Variants in NHSL1 observed in about 807,000 individuals in gnomAD.
The protein encoded by NHSL1 is NHS like 1.
NHSL1 carries 48 observed loss-of-function variants against 95.0 expected under a neutral mutation model. That is an observed-to-expected ratio of 0.51 (90% confidence interval 0.40 to 0.64). The LOEUF (loss-of-function observed/expected upper bound fraction) is 0.64. Among genes scored for constraint, NHSL1 ranks in the 30% least tolerant of loss-of-function variants. The pLI is 0.00. For synonymous variants in NHSL1, 783 were observed against 833.9 expected (o/e 0.94, Z 1.05); for missense variants, 1,971 against 2,077.7 (o/e 0.95, Z 1.00).
intron 1 of NHSL1, among the ~76,000 whole-genome samples, chr6:138,530,236 T>G (rs1782077585): frequency 6.6e-6 from 1 of 152,094 alleles, no homozygotes; most frequent in African/African-American, 2.4e-5. Context: ...GAAATGCAAA[T>G]TAAAACTGCA....
intron 1 of NHSL1, among the ~76,000 whole-genome samples, chr6:138,539,162 T>C (rs577413823): frequency 2.6e-4 from 39 of 152,188 alleles, no homozygotes; most frequent in Non-Finnish European, 2.4e-4. Flanking sequence ...CAAATTAGGA[T>C]CTCTTAATTT....
chr6:138,533,457 G>T (rs973408246), intron 1 of NHSL1, among the ~76,000 whole-genome samples: 4 of 151,970 alleles, frequency 2.6e-5, no homozygotes, highest in Non-Finnish European at 5.9e-5. Flanking sequence ...CTGAGGCAGG[G>T]TAATTGCTTG....
chr6:138,673,031 G>GA lies in NHSL1; in HGVS notation c.96+19444_96+19445insT, dbSNP rs1562409221. Among the ~76,000 whole-genome samples the GA allele has an allele frequency of 8.6e-3, 1,279 of 148,162 alleles. 15 individuals carry two copies. Among genetic ancestry groups the GA allele is most frequent in the African/African-American group, 0.028 (1,094 of 38,784 alleles). ...GTCTCATAGATAGCTAGATAGATAG[G>GA]TAGATAGATAGATAGATAGATAGAT... is the stretch of plus-strand genomic sequence containing the variant. On this transcript the variant is annotated intron_variant, in intron 1 of 3. Transcript: ENST00000491526.
At chr6:138,681,176 C>A (rs1158430228) in intron 1 of NHSL1, among the ~76,000 whole-genome samples, 1 of 151,948 alleles carries the variant, frequency 6.6e-6, no homozygotes, top group Non-Finnish European at 1.5e-5. Flanking sequence ...AGAAGAGCAA[C>A]AGGATAACCC....
chr6:138,604,977 C>T (rs1410446760), intron 1 of NHSL1, among the ~76,000 whole-genome samples: 1 of 152,168 alleles, frequency 6.6e-6, no homozygotes, highest in Admixed American at 6.5e-5. Context: ...AAATATCTGA[C>T]TTACTTGACT....
chr6:138,658,931 T>C (rs1785190259), intron 1 of NHSL1, among the ~76,000 whole-genome samples: 1 of 152,096 alleles, frequency 6.6e-6, no homozygotes, highest in African/African-American at 2.4e-5. Flanking sequence ...CCTGGTAAAG[T>C]GACCTGTACT....
intron 1 of NHSL1, among the ~76,000 whole-genome samples, chr6:138,552,262 T>G (rs1307822823): frequency 6.6e-6 from 1 of 152,054 alleles, no homozygotes; most frequent in African/African-American, 2.4e-5. Flanking sequence ...CTACTCAAAA[T>G]ACAAAAATTA....
intron 1 of NHSL1, among the ~76,000 whole-genome samples, chr6:138,630,780 A>C (rs72977113): frequency 0.022 from 3,283 of 152,260 alleles, 35 homozygotes; most frequent in Middle Eastern, 0.065. Context: ...AATATGCTTG[A>C]GCTAAGAAAT....
chr6:138,618,966 G>A (rs1343275511), intron 1 of NHSL1, among the ~76,000 whole-genome samples: 1 of 152,152 alleles, frequency 6.6e-6, no homozygotes, highest in Admixed American at 6.5e-5. Context: ...ACCTGCTGCA[G>A]GAGTTCCTAC....
chr6:138,663,242 C>T (rs1317755262), intron 1 of NHSL1, among the ~76,000 whole-genome samples: 1 of 152,024 alleles, frequency 6.6e-6, no homozygotes, highest in Non-Finnish European at 1.5e-5. Context: ...ATATGGTATG[C>T]TGTCATTGTA....
intron 1 of NHSL1, among the ~76,000 whole-genome samples, chr6:138,563,248 G>C (rs905879129): frequency 6.6e-6 from 1 of 152,110 alleles, no homozygotes; most frequent in Admixed American, 6.6e-5. Flanking sequence ...ATAGTGTCTC[G>C]CCACGGTAAA....
rs1302766275 is a variant in NHSL1 at position 138,668,167 on chromosome 6, G to C, written c.96+24309C>G. On this transcript the variant is annotated intron_variant, in intron 1 of 3. Coordinates refer to the NHSL1 transcript ENST00000491526. ...AGACCTTGTTAGAAAAGAAATTGTG[G>C]CTGGGCACAGTAGCTCACGCCTGCA... 3.9e-5 allele frequency among the ~76,000 whole-genome samples: 6 copies of C among 152,168 alleles called. No individual in the cohort carries two copies. The East Asian group carries it at 1.2e-3, about 29-fold the overall frequency.
chr6:138,515,293 G>T (rs1277706528), intron 1 of NHSL1, among the ~76,000 whole-genome samples: 1 of 152,170 alleles, frequency 6.6e-6, no homozygotes, highest in Non-Finnish European at 1.5e-5. Context: ...AGATTGGCAG[G>T]GAGCTTTTAA....
At chr6:138,686,111 G>T (rs1262295747) in intron 1 of NHSL1, among the ~76,000 whole-genome samples, 2 of 151,954 alleles carry the variant, frequency 1.3e-5, no homozygotes, top group African/African-American at 2.4e-5. Flanking sequence ...AATCAACATG[G>T]TGACCATAGC....
At chr6:138,664,217 C>T (rs1339861545) in intron 1 of NHSL1, among the ~76,000 whole-genome samples, 1 of 152,194 alleles carries the variant, frequency 6.6e-6, no homozygotes, top group Non-Finnish European at 1.5e-5. Flanking sequence ...ATTTACTTTA[C>T]ATTTTAATGT....
intron 1 of NHSL1, among the ~76,000 whole-genome samples, chr6:138,641,622 CAAAAAAAAAA>C (rs771307557): frequency 1.1e-3 from 81 of 76,438 alleles, no homozygotes; most frequent in African/African-American, 3.7e-3. Context: ...GACTCCGTCT[CAAAAAAAAAA>C]AAAAAAAAAA....
At chr6:138,433,735 C>A in intron 5 of NHSL1, 55 bp from the exon 6 acceptor site, 1 of 1,435,212 alleles carries the variant, frequency 7.0e-7, no homozygotes. Flanking sequence ...CATAGTTCAT[C>A]ACGTGTACCC....
At chr6:138,687,916 A>G (rs372761752) in intron 1 of NHSL1, among the ~76,000 whole-genome samples, 1 of 152,200 alleles carries the variant, frequency 6.6e-6, no homozygotes, top group East Asian at 1.9e-4. Context: ...TAATGGTTGC[A>G]CAACTCTGTG....
At chr6:138,663,517 G>A (rs1408635578) in intron 1 of NHSL1, among the ~76,000 whole-genome samples, 2 of 143,110 alleles carry the variant, frequency 1.4e-5, no homozygotes, top group Non-Finnish European at 3.0e-5. Context: ...CCGCAATCAC[G>A]CCACTGCAGT....
Sources: allele counts gnomAD v4.1 joint callset (sites outside exome capture counted in the v4.1 genomes callset), GRCh38; gene constraint gnomAD v4.1.1; transcripts MANE v1.5; gene names NCBI Gene and HGNC (gene_info 2026-07-23, HGNC 2026-07-21).